Variants in CNKSR2 observed in about 807,000 individuals in gnomAD.
CNKSR2 encodes the protein connector enhancer of kinase suppressor of Ras 2, also known as CNK homolog protein 2.
A neutral mutation model predicts 84.4 loss-of-function variants in CNKSR2; 14 were observed. That is an observed-to-expected ratio of 0.17 (90% CI 0.11 to 0.26). The LOEUF is 0.26. Among genes scored for constraint, CNKSR2 ranks in the 10% least tolerant of loss-of-function variants. CNKSR2 has a pLI of 1.00. For synonymous variants in CNKSR2, 275 were observed against 277.9 expected, an observed-to-expected ratio of 0.99 and a Z score of 0.10; for missense variants, 485 against 771.2, an observed-to-expected ratio of 0.63 and a Z score of 4.40.
chrX:21,527,071 G>C, intron 10 of CNKSR2, 71 bp downstream of exon 10: 2 of 957,024 alleles, frequency 2.1e-6, no homozygotes, highest in East Asian at 3.2e-5. Context: ...AAACTGCAAA[G>C]TCAATTCTGA....
In CNKSR2 at chrX:21,607,526, G is replaced by A. The variant is rs1006111933; in HGVS notation, c.2145+647G>A. Reference sequence around the variant, plus strand: ...GACAATAATATTCCATGGTCAGGCCGGGCATGGTAGCTCACGCGTCTAATC... The same window carrying A: ...GACAATAATATTCCATGGTCAGGCCAGGCATGGTAGCTCACGCGTCTAATC... On this transcript the variant is annotated intron_variant, in intron 19 of 21. Coordinates refer to ENST00000379510, the MANE Select transcript of CNKSR2 (RefSeq NM_014927.5). Among the ~76,000 whole-genome samples the A allele has an allele frequency of 6.3e-5, 7 of 111,632 alleles. 1 individual carries two copies. The highest frequency in any genetic ancestry group is 2.8e-4 in the East Asian group (1 of 3,537).
chrX:21,651,817 T>G (rs988017940), intron 21 of CNKSR2, among the ~76,000 whole-genome samples: 1 of 111,788 alleles, frequency 8.9e-6, no homozygotes, highest in African/African-American at 3.3e-5. Context: ...ACAGCAAGAA[T>G]TATGTATTTG....
intron 20 of CNKSR2, among the ~76,000 whole-genome samples, chrX:21,620,447 A>G (rs1179149290): frequency 1.8e-5 from 2 of 111,217 alleles, no homozygotes; most frequent in Non-Finnish European, 3.8e-5. Context: ...AAATATGCAT[A>G]TAGCCCTCTC....
rs2092188696 is a variant in CNKSR2, at chrX:21,561,480, G to A, written c.1313G>A (p.Arg438Gln). Residue 438 changes from arginine to glutamine, a missense_variant, in exon 12 of 22, where the codon CGA becomes CAA. By Grantham distance (43) the Arg-to-Gln change is conservative. This residue lies in a region of CNKSR2 where 132 missense variants were observed against 166.7 expected (regional missense o/e 0.79). Coordinates refer to ENST00000379510, the MANE Select transcript of CNKSR2 (RefSeq NM_014927.5). ...TGTTCTCTGTGTTTAGGCAAGCTACGACCTATATCTATGCCAGTGGAATAT... is the reference window on the plus strand; with the variant it reads ...TGTTCTCTGTGTTTAGGCAAGCTACAACCTATATCTATGCCAGTGGAATAT... ...RESTPTYGKL[R>Q]PISMPVEYNW... 2 of 1,201,529 alleles carry A rather than the reference G, an allele frequency of 1.7e-6. No individual in the cohort carries two copies. The highest frequency in any genetic ancestry group is 1.8e-5 in the South Asian group (1 of 56,341).
chrX:21,519,147 CT>C (rs1350910963), intron 9 of CNKSR2, among the ~76,000 whole-genome samples: 6 of 111,298 alleles, frequency 5.4e-5, no homozygotes, highest in African/African-American at 2.0e-4. Context: ...CCGAATCTCC[CT>C]GATGAAGAAG....
At chrX:21,430,846 C>A (rs1331429935) in intron 2 of CNKSR2, among the ~76,000 whole-genome samples, 1 of 111,847 alleles carries the variant, frequency 8.9e-6, no homozygotes, top group Non-Finnish European at 1.9e-5. Context: ...CACAAATAAT[C>A]CATTCTTAAA....
At chrX:21,519,859 G>A (rs945662859) in intron 9 of CNKSR2, among the ~76,000 whole-genome samples, 3 of 110,810 alleles carry the variant, frequency 2.7e-5, no homozygotes, top group Non-Finnish European at 5.7e-5. Flanking sequence ...TAATAAACAA[G>A]TTTATCCTAA....
intron 9 of CNKSR2, among the ~76,000 whole-genome samples, chrX:21,526,251 A>G (rs2091833817): frequency 9.0e-6 from 1 of 111,420 alleles, no homozygotes; most frequent in Non-Finnish European, 1.9e-5. Context: ...ACTTTTGATG[A>G]TGTACCATAA....
intron 4 of CNKSR2, chrX:21,441,314 T>C (rs1416638570): frequency 1.8e-5 from 2 of 111,168 alleles, no homozygotes; most frequent in Non-Finnish European, 3.8e-5. Flanking sequence ...TGATATCTCT[T>C]TTCAGTACCA....
At chrX:21,515,549 A>T (rs1569216218) in intron 8 of CNKSR2, among the ~76,000 whole-genome samples, 1 of 110,901 alleles carries the variant, frequency 9.0e-6, no homozygotes. Context: ...CTAAATGTGA[A>T]TTTTTTTTAA....
chrX:21,646,880 TGAAATA>T (rs759959268), intron 20 of CNKSR2, among the ~76,000 whole-genome samples: 45 of 112,218 alleles, frequency 4.0e-4, no homozygotes, highest in Admixed American at 9.4e-4. Context: ...TATGATTTTC[TGAAATA>T]GACTTATGCT....
chrX:21,470,906 A>G lies in CNKSR2; in HGVS notation c.561+99A>G, dbSNP rs778788141. ...AGAAAAAAAATCTACTGACCACATC[A>G]GTTAAGTGTATTTTTATAGGAAATC... On this transcript the variant is annotated intron_variant, in intron 5 of 21. Transcript: ENST00000379510. The G allele has an allele frequency of 1.3e-5, 5 of 373,270 alleles. No homozygotes were observed. In the South Asian group the frequency reaches 3.5e-4, roughly 26 times the overall value. The allele number at this position is 373,270 out of a possible 1,213,427, so 30.8% of individuals were successfully genotyped here. A position where few individuals can be genotyped will look rare whatever the true frequency, so the allele number is the denominator to read the frequency against.
rs1033968824 is a variant in CNKSR2 at position 21,653,073 on chromosome X, G to T, written c.*552G>T. On this transcript the variant is annotated 3_prime_UTR_variant, in exon 22 of 22. Coordinates refer to ENST00000379510, the MANE Select transcript of CNKSR2 (RefSeq NM_014927.5). Reference sequence around the variant, plus strand: ...GCAAAATAGAAGAGCATCGACATAAGAAAAGTTCAGGTATCTAATATTCGT... The same window carrying T: ...GCAAAATAGAAGAGCATCGACATAATAAAAGTTCAGGTATCTAATATTCGT... The T allele has an allele frequency of 3.6e-5, 4 of 112,108 alleles. No individual in the cohort carries two copies. The highest frequency in any genetic ancestry group is 9.7e-5 in the African/African-American group (3 of 30,887). The allele number at this position is 112,108 out of a possible 1,213,427, so 9.2% of individuals were successfully genotyped here.
At chrX:21,426,119 C>T (rs2090561510) in intron 1 of CNKSR2, 1 of 146,531 alleles carries the variant, frequency 6.8e-6, no homozygotes, top group Non-Finnish European at 1.3e-5. Flanking sequence ...AGGAAGGATA[C>T]CTCTTCCTCT....
At chrX:21,413,276 C>T (rs1300337501) in intron 1 of CNKSR2, among the ~76,000 whole-genome samples, 2 of 110,781 alleles carry the variant, frequency 1.8e-5, no homozygotes, top group Non-Finnish European at 3.8e-5. Flanking sequence ...AATGTATACA[C>T]ATTTTAAAAT....
At chrX:21,422,643 A>G (rs1447813990) in intron 1 of CNKSR2, among the ~76,000 whole-genome samples, 1 of 112,011 alleles carries the variant, frequency 8.9e-6, no homozygotes, top group Admixed American at 9.4e-5. Context: ...ATGGGAACTT[A>G]TAGTTGTGTT....
intron 13 of CNKSR2, among the ~76,000 whole-genome samples, chrX:21,583,048 T>C (rs1274611714): frequency 2.7e-5 from 3 of 112,077 alleles, no homozygotes; most frequent in Non-Finnish European, 5.6e-5. Flanking sequence ...TGACTGCTAA[T>C]TTACTGGTTT....
chrX:21,501,685 C>T (rs1237665114), intron 8 of CNKSR2, 97 bp downstream of exon 8: 6 of 398,284 alleles, frequency 1.5e-5, no homozygotes, highest in Non-Finnish European at 2.6e-5. Flanking sequence ...TGTTTGTATA[C>T]AAAATATTGA....
chrX:21,500,252 C>A (rs2091545495), intron 7 of CNKSR2, among the ~76,000 whole-genome samples: 1 of 110,828 alleles, frequency 9.0e-6, no homozygotes, highest in South Asian at 3.7e-4. Flanking sequence ...TAGCCTATGA[C>A]AAATAATTTT....
Sources: gnomAD v4.1 joint callset for allele counts (sites outside exome capture counted in the v4.1 genomes callset) on GRCh38, gnomAD v4.1.1 for gene constraint, gnomAD v4.1.1 regional missense constraint, MANE v1.5 for transcripts, NCBI Gene and HGNC (gene_info 2026-07-23, HGNC 2026-07-21) for gene names.